The following OIT3 variants were observed in gnomAD, a reference collection of about 807,000 sequenced individuals.
The protein encoded by OIT3 is oncoprotein-induced transcript 3 protein.
OIT3 carries 41 observed loss-of-function variants against 52.2 expected under a neutral mutation model. The observed-to-expected ratio is 0.79, with a 90% CI of 0.61 to 1.02. The LOEUF (loss-of-function observed/expected upper bound fraction) is 1.02. OIT3 is among the 50% of genes least tolerant of loss of function. OIT3 has a pLI of 0.00. For missense variants in OIT3, 634 were observed against 715.5 expected, an observed-to-expected ratio of 0.89 and a Z score of 1.30; for synonymous variants, 244 against 276.9, an observed-to-expected ratio of 0.88 and a Z score of 1.18.
intron 4 of OIT3, among the ~76,000 whole-genome samples, chr10:72,908,815 C>G (rs1846002783): frequency 6.6e-6 from 1 of 151,796 alleles, no homozygotes; most frequent in Non-Finnish European, 1.5e-5. Context: ...GTGAGTTATA[C>G]TTTAGGATTA....
chr10:72,910,384 G>A (rs776867631), intron 4 of OIT3, among the ~76,000 whole-genome samples: 150 of 152,158 alleles, frequency 9.9e-4, no homozygotes, highest in Middle Eastern at 3.4e-3. Context: ...GGCCAGGTGC[G>A]GTGGCTCACG....
Position 72,898,704 on chromosome 10 carries a change from C to G in OIT3, c.102C>G (p.Pro34=), listed in dbSNP as rs751777812. 6.2e-7 allele frequency: 1 copy of G among 1,614,006 alleles called. No individual in the cohort carries two copies. Among genetic ancestry groups the G allele is most frequent in the South Asian group, 1.1e-5 (1 of 91,068 alleles). ...CTGCTTACATCAGCCTGAATGAGCCCTGGAGGAACACTGACCACCAGTTGG... is the reference window on the plus strand; with the variant it reads ...CTGCTTACATCAGCCTGAATGAGCCGTGGAGGAACACTGACCACCAGTTGG... The part of the protein sequence containing the change: ...PCSAYISLNE[P]WRNTDHQLDE... The change falls in exon 2 of 9, where the codon CCC becomes CCG. Residue 34 remains proline (P), a synonymous_variant. Transcript: ENST00000334011.
chr10:72,913,346 A>G lies in OIT3; in HGVS notation c.829A>G (p.Ile277Val), dbSNP rs143434727. ...LCKSNAIEVN[I>V]PRELVGGLEL... ...CAAATCAAATGCCATTGAAGTGAAC[A>G]TCCCCAGGGAGCTGGTTGGTGGCCT... Residue 277 changes from isoleucine (I) to valine (V), a missense_variant, in exon 6 of 9, where the codon ATC becomes GTC. Transcript: ENST00000334011. The G allele has an allele frequency of 1.9e-6, 3 of 1,612,572 alleles. No individual in the cohort carries two copies. Among genetic ancestry groups the G allele is most frequent in the Non-Finnish European group, 2.5e-6 (3 of 1,178,846 alleles).
chr10:72,932,344 A>ATCTC lies in OIT3; in HGVS notation c.1468-8_1468-5dup. On this transcript the variant is annotated splice_polypyrimidine_tract_variant and intron_variant, in intron 8 of 8. Coordinates refer to ENST00000334011, the MANE Select transcript of OIT3 (RefSeq NM_152635.3). Reference sequence around the variant, plus strand: ...ATTGTTTTTATTAACAGTCGTGATCATCTCTTCAGGAAGTGTTTCTGCACT... The same window carrying ATCTC: ...ATTGTTTTTATTAACAGTCGTGATCATCTCTCTCTTCAGGAAGTGTTTCTGCACT... 6.2e-7 allele frequency: 1 copy of ATCTC among 1,613,864 alleles called. No individual in the cohort carries two copies. Among genetic ancestry groups the ATCTC allele is most frequent in the Non-Finnish European group, 8.5e-7 (1 of 1,179,712 alleles).
At chr10:72,914,411 G>T (rs537646975) in intron 6 of OIT3, among the ~76,000 whole-genome samples, 3 of 152,156 alleles carry the variant, frequency 2.0e-5, no homozygotes, top group Non-Finnish European at 2.9e-5. Context: ...AGGCCTTTGC[G>T]ATCCTTTGGT....
intron 6 of OIT3, among the ~76,000 whole-genome samples, chr10:72,915,831 G>C (rs1230564168): frequency 6.6e-6 from 1 of 152,192 alleles, no homozygotes; most frequent in Non-Finnish European, 1.5e-5. Flanking sequence ...TTGGACCTCA[G>C]CTGGGAATGT....
At chr10:72,912,460 G>A (rs559029850) in intron 5 of OIT3, among the ~76,000 whole-genome samples, 314 of 151,696 alleles carry the variant, frequency 2.1e-3, no homozygotes, top group African/African-American at 7.3e-3. Flanking sequence ...TAGTAGAGAC[G>A]GGGTTTCACC....
At chr10:72,926,823 G>T (rs2132949369) in intron 7 of OIT3, among the ~76,000 whole-genome samples, 1 of 152,176 alleles carries the variant, frequency 6.6e-6, no homozygotes, top group South Asian at 2.1e-4. Flanking sequence ...TGCAGTGATA[G>T]ATTTTTGTTC....
At chr10:72,925,943 A>G (rs570896840) in intron 7 of OIT3, among the ~76,000 whole-genome samples, 4 of 152,286 alleles carry the variant, frequency 2.6e-5, no homozygotes, top group Admixed American at 2.6e-4. Flanking sequence ...GTTCCATGGT[A>G]TTTCCTAAGG....
Position 72,917,795 on chromosome 10 carries a change from A to C in OIT3, c.951+4327A>C. ...TTTTTGCTTTAATGTCTTCTACAGA[A>C]CTAGGTCCTTTTGGTGTTTTAGGAG... is the stretch of plus-strand genomic sequence containing the variant. On this transcript the variant is annotated intron_variant, in intron 6 of 8. Transcript: ENST00000334011. 3 of 1,452,762 alleles carry C rather than the reference A, an allele frequency of 2.1e-6. No homozygotes were observed. The South Asian group carries it at 3.4e-5, about 17-fold the overall frequency. 90.0% of individuals were successfully genotyped at this position (1,452,762 alleles called of 1,614,324 possible). A position where few individuals can be genotyped will look rare whatever the true frequency, so the allele number is the denominator to read the frequency against.
At chr10:72,913,868 G>GTTTA (rs1846051918) in intron 6 of OIT3, among the ~76,000 whole-genome samples, 1 of 152,216 alleles carries the variant, frequency 6.6e-6, no homozygotes, top group Non-Finnish European at 1.5e-5. Flanking sequence ...GAGTGAAAAG[G>GTTTA]TTTATACTTT....
chr10:72,916,317 C>T (rs1846072492), intron 6 of OIT3, among the ~76,000 whole-genome samples: 1 of 152,068 alleles, frequency 6.6e-6, no homozygotes, highest in Admixed American at 6.6e-5. Flanking sequence ...TGCTTCTCTC[C>T]CCCCTCCTAC....
intron 6 of OIT3, chr10:72,913,702 A>G: frequency 3.2e-6 from 2 of 627,500 alleles, no homozygotes; most frequent in Non-Finnish European, 3.0e-6. Context: ...CCATCTCTCC[A>G]GCATGCACAG....
intron 6 of OIT3, among the ~76,000 whole-genome samples, chr10:72,922,804 C>G (rs1174977807): frequency 6.6e-6 from 1 of 152,130 alleles, no homozygotes; most frequent in South Asian, 2.1e-4. Flanking sequence ...CTGATTCTTT[C>G]TCATCTTTGA....
intron 4 of OIT3, among the ~76,000 whole-genome samples, chr10:72,908,983 A>G (rs1373934407): frequency 6.6e-6 from 1 of 150,522 alleles, no homozygotes; most frequent in Non-Finnish European, 1.5e-5. Flanking sequence ...CGGGTTTGTT[A>G]CATGGATATA....
chr10:72,900,393 C>T lies in OIT3; in HGVS notation c.453C>T (p.Cys151=), dbSNP rs766991632. ...HVYCGHFYDI[C]DEDCHGSCSD... ...CTTCCATAGATTTTTATGACATCTG[C>T]GACGAGGACTGCCATGGCAGCTGCT... The change falls in exon 3 of 9, where the codon TGC becomes TGT. Residue 151 remains cysteine (C), a synonymous_variant. Coordinates refer to ENST00000334011, the MANE Select transcript of OIT3 (RefSeq NM_152635.3). 13 of 1,602,114 alleles carry T rather than the reference C, an allele frequency of 8.1e-6. No individual in the cohort carries two copies. The highest frequency in any genetic ancestry group is 4.5e-5 in the East Asian group (2 of 44,810).
intron 6 of OIT3, among the ~76,000 whole-genome samples, chr10:72,919,209 GCAATTGTGAATGGGAGTT>G (rs1368066252): frequency 6.6e-6 from 1 of 151,830 alleles, no homozygotes; most frequent in Non-Finnish European, 1.5e-5. Context: ...TCTTTTCGTG[GCAATTGTGAATGGGAGTT>G]CATTTGTGAT....
chr10:72,912,185 G>T (rs1332492031), intron 5 of OIT3, among the ~76,000 whole-genome samples: 1 of 151,716 alleles, frequency 6.6e-6, no homozygotes, highest in Admixed American at 6.6e-5. Context: ...TGAAAGGCCT[G>T]AGGAACATAT....
rs757417980 is a variant in OIT3 at position 72,906,701 on chromosome 10, A to G, written c.650A>G (p.Asp217Gly). 1.9e-6 allele frequency: 3 copies of G among 1,594,978 alleles called. No individual in the cohort carries two copies. The Admixed American group carries it at 5.2e-5, about 28-fold the overall frequency. ...GGGGTTGGCCGTGTGCTAAGAAGTG[A>G]TGGCAAGACTTGTGAAGGTGAGAAT... is the stretch of plus-strand genomic sequence containing the variant. ...ECGVGRVLRS[D>G]GKTCEDVEGC... The change falls in exon 4 of 9, where the codon GAT becomes GGT. Residue 217 changes from aspartate (D) to glycine (G), a missense_variant. Asp to Gly is a moderately conservative substitution (Grantham distance 94). Coordinates refer to ENST00000334011, the MANE Select transcript of OIT3 (RefSeq NM_152635.3).
Sources: allele counts gnomAD v4.1 joint callset (sites outside exome capture counted in the v4.1 genomes callset), GRCh38; gene constraint gnomAD v4.1.1; transcripts MANE v1.5; gene names NCBI Gene and HGNC (gene_info 2026-07-23, HGNC 2026-07-21).